Variants in KCTD8 observed in about 807,000 individuals in gnomAD.
KCTD8 encodes the protein potassium channel tetramerization domain containing 8.
Under a neutral mutation model 31.5 loss-of-function variants are expected in KCTD8, and 27 were observed. The ratio of observed to expected loss-of-function variants is 0.86; its 90% CI spans 0.63 to 1.18. KCTD8 has a LOEUF of 1.18. KCTD8 is among the 50% of genes most tolerant of loss of function. KCTD8 has a pLI of 0.00. For synonymous variants in KCTD8, 290 were observed against 280.0 expected (o/e 1.04, Z -0.36); for missense variants, 658 against 647.7 (o/e 1.02, Z -0.17).
chr4:44,298,954 T>C (rs1265558512), intron 1 of KCTD8, among the ~76,000 whole-genome samples: 1 of 151,938 alleles, frequency 6.6e-6, no homozygotes. Context: ...CATACAGTTG[T>C]AAAAAAAAGT....
At chr4:44,390,907 C>T (rs1720354774) in intron 1 of KCTD8, among the ~76,000 whole-genome samples, 1 of 151,800 alleles carries the variant, frequency 6.6e-6, no homozygotes, top group African/African-American at 2.4e-5. Context: ...AAAGTAGAAC[C>T]ACCATTTGAT....
At chr4:44,321,838 G>C (rs545592131) in intron 1 of KCTD8, among the ~76,000 whole-genome samples, 1 of 152,068 alleles carries the variant, frequency 6.6e-6, no homozygotes, top group South Asian at 2.1e-4. Flanking sequence ...TCCTACATGA[G>C]TGAGAACATG....
At chr4:44,419,780 A>G (rs1330877768) in intron 1 of KCTD8, among the ~76,000 whole-genome samples, 1 of 152,100 alleles carries the variant, frequency 6.6e-6, no homozygotes, top group African/African-American at 2.4e-5. Context: ...CAGCAAATCA[A>G]CATGGCACAT....
intron 1 of KCTD8, among the ~76,000 whole-genome samples, chr4:44,409,646 G>A (rs1281934889): frequency 6.6e-6 from 1 of 151,758 alleles, no homozygotes; most frequent in Non-Finnish European, 1.5e-5. Flanking sequence ...ATTGACAAAG[G>A]TCACTGAACT....
intron 1 of KCTD8, among the ~76,000 whole-genome samples, chr4:44,331,543 T>A (rs1054398747): frequency 6.6e-6 from 1 of 151,670 alleles, no homozygotes; most frequent in Non-Finnish European, 1.5e-5. Context: ...GTAATGAATG[T>A]GACACACATG....
intron 1 of KCTD8, among the ~76,000 whole-genome samples, chr4:44,278,308 C>T (rs543982968): frequency 1.3e-5 from 2 of 152,064 alleles, no homozygotes; most frequent in East Asian, 3.9e-4. Context: ...AATATGTCCC[C>T]AATAGATGTC....
At chr4:44,400,566 T>C (rs1489036602) in intron 1 of KCTD8, among the ~76,000 whole-genome samples, 2 of 151,654 alleles carry the variant, frequency 1.3e-5, no homozygotes, top group African/African-American at 4.8e-5. Flanking sequence ...CTGCCTCAAC[T>C]AAAAATACAA....
intron 1 of KCTD8, among the ~76,000 whole-genome samples, chr4:44,236,002 C>T (rs182241010): frequency 2.2e-4 from 34 of 152,106 alleles, no homozygotes; most frequent in African/African-American, 7.9e-4. Flanking sequence ...ACTACAAGGC[C>T]GGTAACAGGG....
intron 1 of KCTD8, among the ~76,000 whole-genome samples, chr4:44,271,213 T>C (rs560087165): frequency 3.3e-5 from 5 of 152,246 alleles, no homozygotes; most frequent in Admixed American, 6.5e-5. Flanking sequence ...GAAGAGATAA[T>C]GCACTTTAAA....
intron 1 of KCTD8, among the ~76,000 whole-genome samples, chr4:44,178,728 A>G (rs2109328786): frequency 6.6e-6 from 1 of 152,330 alleles, no homozygotes; most frequent in South Asian, 2.1e-4. Context: ...TCAGAAAGAG[A>G]GTACTAGATA....
intron 1 of KCTD8, among the ~76,000 whole-genome samples, chr4:44,280,052 T>G (rs1716861334): frequency 6.6e-6 from 1 of 152,074 alleles, no homozygotes; most frequent in African/African-American, 2.4e-5. Context: ...ATCTTGGAAA[T>G]TTTCAGTCAT....
intron 1 of KCTD8, among the ~76,000 whole-genome samples, chr4:44,281,005 A>T (rs1263481194): frequency 2.0e-5 from 3 of 152,180 alleles, no homozygotes; most frequent in African/African-American, 2.4e-5. Context: ...TAAGAGTTTC[A>T]GAGCTAGGAG....
At chr4:44,199,801 A>G (rs2109338654) in intron 1 of KCTD8, among the ~76,000 whole-genome samples, 1 of 152,146 alleles carries the variant, frequency 6.6e-6, no homozygotes, top group African/African-American at 2.4e-5. Flanking sequence ...AATATCTAAA[A>G]CCAGAGAAGA....
intron 1 of KCTD8, among the ~76,000 whole-genome samples, chr4:44,253,707 G>C (rs1406282501): frequency 6.6e-6 from 1 of 151,774 alleles, no homozygotes; most frequent in African/African-American, 2.4e-5. Flanking sequence ...AGTCCTAGCT[G>C]TCCTCTGATC....
chr4:44,186,885 G>C (rs1445441045), intron 1 of KCTD8, among the ~76,000 whole-genome samples: 9 of 152,160 alleles, frequency 5.9e-5, no homozygotes, highest in Admixed American at 5.9e-4. Context: ...ACAAAATATT[G>C]TCTAAGCACA....
intron 1 of KCTD8, among the ~76,000 whole-genome samples, chr4:44,390,419 T>C (rs1720342989): frequency 6.6e-6 from 1 of 151,984 alleles, no homozygotes; most frequent in Non-Finnish European, 1.5e-5. Flanking sequence ...CCTTTATGTT[T>C]TTGTTTGCTT....
intron 1 of KCTD8, among the ~76,000 whole-genome samples, chr4:44,430,606 T>A (rs943522198): frequency 1.3e-5 from 2 of 151,548 alleles, no homozygotes; most frequent in African/African-American, 4.8e-5. Flanking sequence ...CCTTTTTGTC[T>A]CCCCTTGGTG....
intron 1 of KCTD8, among the ~76,000 whole-genome samples, chr4:44,362,845 T>C (rs367880310): frequency 1.3e-5 from 2 of 151,894 alleles, no homozygotes; most frequent in East Asian, 1.9e-4. Context: ...TAGCAGATAC[T>C]TAAATACTAA....
At chr4:44,268,236 AAT>A (rs879267231) in intron 1 of KCTD8, among the ~76,000 whole-genome samples, 16,768 of 150,302 alleles carry the variant, frequency 0.11, 1,108 homozygotes, top group East Asian at 0.22. Context: ...AGGCTGGTTC[AAT>A]ATATGCAAAT....
Sources: gnomAD v4.1 joint callset for allele counts (sites outside exome capture counted in the v4.1 genomes callset) on GRCh38, gnomAD v4.1.1 for gene constraint, MANE v1.5 for transcripts, NCBI Gene and HGNC (gene_info 2026-07-23, HGNC 2026-07-21) for gene names.